Variants in PLA2G4D observed in about 807,000 individuals in gnomAD.
PLA2G4D encodes the protein phospholipase A2 group IVD, also known as cytosolic phospholipase A2 delta.
PLA2G4D carries 80 observed loss-of-function variants against 94.4 expected under a neutral mutation model. The observed-to-expected ratio is 0.85, with a 90% CI of 0.71 to 1.02. The LOEUF is 1.02. PLA2G4D is among the 50% of genes least tolerant of loss of function. The pLI is 0.00. For missense variants in PLA2G4D, 1,050 were observed against 1,034.7 expected (o/e 1.01, Z -0.20); for synonymous variants, 438 against 440.9 (o/e 0.99, Z 0.08).
rs776227820 is a variant in PLA2G4D at position 42,071,495 on chromosome 15, T to C, written c.1630A>G (p.Ser544Gly). The change falls in exon 16 of 20, where the codon AGT (serine) becomes GGT (glycine). Residue 544 changes from serine to glycine, a missense_variant. Coordinates refer to ENST00000290472, the MANE Select transcript of PLA2G4D (RefSeq NM_178034.4). Reference sequence around the variant, plus strand: ...TGCTGTTTCCAGGACTCCCCAGAACTGGTGAGGTCATACCAGGCATCCAGC... The same window carrying C: ...TGCTGTTTCCAGGACTCCCCAGAACCGGTGAGGTCATACCAGGCATCCAGC... ...NLLDAWYDLT[S>G]SGESWKQHIK... The C allele has an allele frequency of 3.7e-6, 6 of 1,613,930 alleles. No homozygotes were observed. Among genetic ancestry groups the C allele is most frequent in the East Asian group, 4.5e-5 (2 of 44,862 alleles).
rs549588147 is a variant in PLA2G4D at position 42,068,555 on chromosome 15, G to A, written c.*160C>T. The stretch of plus-strand genomic sequence containing the variant: ...AGCCAGCCATGAACGTAAGAGAGAA[G>A]TCTGTGTGTGCAGTTCCCTCTGGGC... On this transcript the variant is annotated 3_prime_UTR_variant, in exon 20 of 20. Coordinates refer to ENST00000290472, the MANE Select transcript of PLA2G4D (RefSeq NM_178034.4). The A allele has an allele frequency of 6.0e-5, 39 of 649,342 alleles. No individual in the cohort carries two copies. The highest frequency in any genetic ancestry group is 3.1e-4 in the African/African-American group (17 of 54,908). The allele number at this position is 649,342 out of a possible 1,614,324, so 40.2% of individuals were successfully genotyped here.
At chr15:42,085,563 C>T (rs1890126208) in intron 4 of PLA2G4D, 32 bp from the exon 5 acceptor site, 9 of 1,607,062 alleles carry the variant, frequency 5.6e-6, no homozygotes, top group Non-Finnish European at 7.7e-6. Flanking sequence ...AAGTCATCAG[C>T]ACATACCTGT....
chr15:42,070,892 A>C lies in PLA2G4D; in HGVS notation c.1877-9T>G, dbSNP rs1172812483. Reference sequence around the variant, plus strand: ...GGAGTCAAGCTGGTAGTCTGGTGGGAATCGCAGGATGGTCAGAGGCCACCA... The same window carrying C: ...GGAGTCAAGCTGGTAGTCTGGTGGGCATCGCAGGATGGTCAGAGGCCACCA... On this transcript the variant is annotated splice_polypyrimidine_tract_variant and intron_variant, in intron 17 of 19. Transcript: ENST00000290472. The C allele has an allele frequency of 6.2e-7, 1 of 1,609,286 alleles. No individual in the cohort carries two copies. Among genetic ancestry groups the C allele is most frequent in the Admixed American group, 1.7e-5 (1 of 59,494 alleles).
chr15:42,087,292 G>A lies in PLA2G4D; in HGVS notation c.255+8C>T, dbSNP rs755218055. ...ACAAGGGAGTGGCCAGGAGTCCCGG[G>A]CCTTCACCTTGACCTGACTTTGGAT... On this transcript the variant is annotated splice_region_variant and intron_variant, in intron 3 of 19. Coordinates refer to ENST00000290472, the MANE Select transcript of PLA2G4D (RefSeq NM_178034.4). The A allele has an allele frequency of 2.5e-6, 4 of 1,614,042 alleles. No homozygotes were observed. Among genetic ancestry groups the A allele is most frequent in the Non-Finnish European group, 3.4e-6 (4 of 1,179,948 alleles).
chr15:42,077,112 A>G (rs950867594), intron 13 of PLA2G4D, among the ~76,000 whole-genome samples: 2 of 152,230 alleles, frequency 1.3e-5, no homozygotes, highest in African/African-American at 4.8e-5. Context: ...ATCAAAGAAA[A>G]GTCAAGGACC....
At position 42,071,615 on chromosome 15, in the gene PLA2G4D, T is replaced by C. The variant is rs371453806; in HGVS notation, c.1574-64A>G. The C allele has an allele frequency of 1.6e-4, 243 of 1,531,944 alleles. 2 individuals carry two copies. In the Middle Eastern group the frequency reaches 4.7e-3, roughly 30 times the overall value. The allele number at this position is 1,531,944 out of a possible 1,614,324, so 94.9% of individuals were successfully genotyped here. On this transcript the variant is annotated intron_variant, in intron 15 of 19. Transcript: ENST00000290472. ...CAGCGGCCCCACCCTCAGGTACTGA[T>C]GGAAAATGGGAGTGGGGCGAGGGCT... is the stretch of plus-strand genomic sequence containing the variant.
In PLA2G4D at chr15:42,081,150, C is replaced by T. The variant is rs1595594877; in HGVS notation, c.958-17G>A. 5.0e-6 allele frequency: 8 copies of T among 1,610,466 alleles called. No individual in the cohort carries two copies. The highest frequency in any genetic ancestry group is 6.8e-6 in the Non-Finnish European group (8 of 1,177,900). ...AACGGGTACCTGGACCACACACAGA[C>T]AGGCTGGATTAACAAGGAAAGGGGC... is the stretch of plus-strand genomic sequence containing the variant. On this transcript the variant is annotated splice_polypyrimidine_tract_variant and intron_variant, in intron 11 of 19. Transcript: ENST00000290472.
At chr15:42,082,728 C>T (rs1890061708) in intron 8 of PLA2G4D, among the ~76,000 whole-genome samples, 1 of 151,976 alleles carries the variant, frequency 6.6e-6, no homozygotes, top group South Asian at 2.1e-4. Flanking sequence ...CAAGGAGGAC[C>T]CTCTGAAGAG....
Position 42,081,496 on chromosome 15 carries a change from C to T in PLA2G4D, c.940G>A (p.Asp314Asn), listed in dbSNP as rs1291616710. The T allele has an allele frequency of 1.2e-6, 2 of 1,614,070 alleles. No individual in the cohort carries two copies. The highest frequency in any genetic ancestry group is 1.3e-5 in the African/African-American group (1 of 75,062). ...CCCCAGACCTCATCCTCCTGCAGGT[C>T]TCTGTCCAGCTGCAGGGCCTGCTTC... ...ALKQALQLDR[D>N]LQEDEVPVVG... The change falls in exon 11 of 20, where the codon GAC becomes AAC. Residue 314 changes from aspartate (D) to asparagine (N), a missense_variant. Transcript: ENST00000290472.
rs1320753824 is a variant in PLA2G4D at position 42,079,765 on chromosome 15, A to AGAAC, written c.1095-10_1095-7dup. The AGAAC allele has an allele frequency of 8.1e-6, 13 of 1,597,404 alleles. No individual in the cohort carries two copies. The highest frequency in any genetic ancestry group is 1.7e-4 in the Middle Eastern group (1 of 6,046). On this transcript the variant is annotated splice_polypyrimidine_tract_variant and splice_region_variant and intron_variant, in intron 12 of 19. Transcript: ENST00000290472. ...CGTACAGGTGGGCCATTGTCCTGGA[A>AGAAC]GAACGAGGGGACAGAACAGTAGGAG... is the stretch of plus-strand genomic sequence containing the variant.
rs1890024873 is a variant in PLA2G4D at position 42,081,015 on chromosome 15, C to G, written c.1076G>C (p.Gly359Ala). The change falls in exon 12 of 20, where the codon GGC (glycine) becomes GCC (alanine). Residue 359 changes from glycine (G) to alanine (A), a missense_variant. Physicochemically the swap from Gly to Ala is moderately conservative, Grantham distance 60. Transcript: ENST00000290472. ...TCCTCACCACGTAGAGCCAGAGATG[C>G]CACTGAAGTAGGTCACACAGTCTAG... ...GLLDCVTYFS[G>A]ISGSTWTMAH... The G allele has an allele frequency of 6.2e-7, 1 of 1,613,896 alleles. No homozygotes were observed. The highest frequency in any genetic ancestry group is 8.5e-7 in the Non-Finnish European group (1 of 1,179,920).
chr15:42,070,521 C>A, intron 18 of PLA2G4D, 196 bp downstream of exon 18: 1 of 651,064 alleles, frequency 1.5e-6, no homozygotes, highest in Non-Finnish European at 2.6e-6. Flanking sequence ...TTCACCTGTC[C>A]TGGGAGCCCA....
At position 42,068,861 on chromosome 15, in the gene PLA2G4D, T is replaced by C. The variant is rs527618735; in HGVS notation, c.2311A>G (p.Met771Val). Residue 771 changes from methionine to valine, a missense_variant, in exon 20 of 20, where the codon ATG becomes GTG. Met to Val is a conservative substitution (Grantham distance 21, BLOSUM62 1). Coordinates refer to ENST00000290472, the MANE Select transcript of PLA2G4D (RefSeq NM_178034.4). The part of the protein sequence containing the change: ...GATCPYTLSN[M>V]TYKEEDFERL... ...TCGAAGTCTTCCTCCTTGTAGGTCA[T>C]GTTGGACAGGGTGTAGGGGCAGGTG... 10 of 1,613,888 alleles carry C rather than the reference T, an allele frequency of 6.2e-6. No homozygotes were observed. Among genetic ancestry groups the C allele is most frequent in the African/African-American group, 5.3e-5 (4 of 75,062 alleles).
Position 42,083,236 on chromosome 15 carries a change from T to C in PLA2G4D, c.634A>G (p.Met212Val). 1 of 1,614,102 alleles carries C rather than the reference T, an allele frequency of 6.2e-7. No homozygotes were observed. The change falls in exon 8 of 20, where the codon ATG (methionine) becomes GTG (valine). Residue 212 changes from methionine (M) to valine (V), a missense_variant. Coordinates refer to ENST00000290472, the MANE Select transcript of PLA2G4D (RefSeq NM_178034.4). ...GTASAFRFHY[M>V]AALETELSGR... ...CTCAGCTCTGTCTCTAGGGCTGCCA[T>C]GTAGTGGAAGCGGAAGGCAGAGGCT...
chr15:42,071,673 C>T, intron 15 of PLA2G4D, 101 bp downstream of exon 15: 2 of 1,367,042 alleles, frequency 1.5e-6, no homozygotes, highest in Non-Finnish European at 2.0e-6. Flanking sequence ...GCCACCCCTC[C>T]CCCTTGTCCT....
intron 13 of PLA2G4D, among the ~76,000 whole-genome samples, chr15:42,073,562 T>G (rs1889866938): frequency 6.6e-6 from 1 of 152,218 alleles, no homozygotes; most frequent in South Asian, 2.1e-4. Flanking sequence ...TACGTCATCC[T>G]TCCTTTGGGC....
At chr15:42,082,442 CTAAG>C (rs760538986) in intron 8 of PLA2G4D, 53 bp from the exon 9 acceptor site, 148 of 1,346,162 alleles carry the variant, frequency 1.1e-4, no homozygotes, top group Non-Finnish European at 1.5e-4. Flanking sequence ...CAAATCCCTA[CTAAG>C]TATCTAGACT....
chr15:42,093,207 A>T (rs1890275096), intron 1 of PLA2G4D, among the ~76,000 whole-genome samples: 1 of 152,166 alleles, frequency 6.6e-6, no homozygotes, highest in South Asian at 2.1e-4. Context: ...TGAAGGCTGG[A>T]GCTTGAGGAC....
intron 19 of PLA2G4D, among the ~76,000 whole-genome samples, chr15:42,069,188 C>T (rs1426076670): frequency 1.3e-5 from 2 of 152,162 alleles, no homozygotes; most frequent in African/African-American, 4.8e-5. Flanking sequence ...ATTCAGGCAG[C>T]CCCACATGTC....
Sources: gnomAD v4.1 joint callset for allele counts (sites outside exome capture counted in the v4.1 genomes callset) on GRCh38, gnomAD v4.1.1 for gene constraint, MANE v1.5 for transcripts, NCBI Gene and HGNC (gene_info 2026-07-23, HGNC 2026-07-21) for gene names.